Variants in LAMA3 observed in about 807,000 individuals in gnomAD.
The protein encoded by LAMA3 is laminin subunit alpha-3.
A neutral mutation model predicts 402.0 loss-of-function variants in LAMA3; 281 were observed. That is an observed-to-expected ratio of 0.70 (90% CI 0.63 to 0.77). The LOEUF is 0.77. LAMA3 is among the 30% of genes least tolerant of loss of function. The pLI, the probability that LAMA3 is intolerant of heterozygous loss-of-function variation, is 0.00. For missense variants in LAMA3, 3,840 were observed against 4,215.5 expected (o/e 0.91, Z 2.47); for synonymous variants, 1,431 against 1,558.4 (o/e 0.92, Z 1.93).
In LAMA3 at chr18:23,824,519, C is replaced by T. The variant is rs2063344166; in HGVS notation, c.2525C>T (p.Thr842Ile). ...GGTTTTGCAGACCCATTTTCAATCA[C>T]ACCAGGAATATGGGTTGCTTGTATT... The part of the protein sequence containing the change: ...GNGFADPFSI[T>I]PGIWVACIKA... Residue 842 changes from threonine to isoleucine, a missense_variant, in exon 21 of 75, where the codon ACA becomes ATA. By Grantham distance (89) the Thr-to-Ile change is moderately conservative. Coordinates refer to ENST00000313654, the MANE Select transcript of LAMA3 (RefSeq NM_198129.4). 6.2e-7 allele frequency: 1 copy of T among 1,614,118 alleles called. No homozygotes were observed. Among genetic ancestry groups the T allele is most frequent in the Non-Finnish European group, 8.5e-7 (1 of 1,179,976 alleles).
chr18:23,752,894 A>G (rs995560883), intron 5 of LAMA3, among the ~76,000 whole-genome samples: 1 of 152,196 alleles, frequency 6.6e-6, no homozygotes, highest in Non-Finnish European at 1.5e-5. Flanking sequence ...TATTCTTCTC[A>G]CTGGCAGCAT....
At chr18:23,818,271 G>A (rs1488453788) in intron 18 of LAMA3, among the ~76,000 whole-genome samples, 1 of 152,194 alleles carries the variant, frequency 6.6e-6, no homozygotes, top group Non-Finnish European at 1.5e-5. Context: ...AACTATGTAG[G>A]TGATTGACTG....
At chr18:23,919,457 G>A (rs911823567) in intron 60 of LAMA3, among the ~76,000 whole-genome samples, 5 of 152,216 alleles carry the variant, frequency 3.3e-5, no homozygotes, top group Non-Finnish European at 7.3e-5. Context: ...TAATCTAGAG[G>A]GGAAGAATAT....
At chr18:23,737,859 G>C (rs1047100127) in intron 2 of LAMA3, among the ~76,000 whole-genome samples, 1 of 152,252 alleles carries the variant, frequency 6.6e-6, no homozygotes, top group Non-Finnish European at 1.5e-5. Context: ...GAAGTGCAGT[G>C]CTGCACAAAG....
In LAMA3 at chr18:23,946,284, G is replaced by C; in HGVS notation, c.9351G>C (p.Lys3117Asn). 1 of 1,613,928 alleles carries C rather than the reference G, an allele frequency of 6.2e-7. No homozygotes were observed. The highest frequency in any genetic ancestry group is 8.5e-7 in the Non-Finnish European group (1 of 1,179,916). The change falls in exon 70 of 75, where the codon AAG becomes AAC. Residue 3117 changes from lysine (K) to asparagine (N), a missense_variant and splice_region_variant. Physicochemically the swap from Lys to Asn is moderately conservative, Grantham distance 94. Coordinates refer to ENST00000313654, the MANE Select transcript of LAMA3 (RefSeq NM_198129.4). ...GATCACCTCCATCAGGGAAACCAAA[G>C]GTAAATAGTTATGTTCAGAGCCATG... Reference protein sequence around the residue: ...YLGSPPSGKPKSLPTNSFVGC... With the variant: ...YLGSPPSGKPNSLPTNSFVGC...
At chr18:23,945,466 G>A (rs1599168883) in intron 69 of LAMA3, among the ~76,000 whole-genome samples, 2 of 152,216 alleles carry the variant, frequency 1.3e-5, no homozygotes, top group East Asian at 3.9e-4. Context: ...GTGGCCAGGA[G>A]GAGAGCAGTT....
chr18:23,861,537 G>A, intron 34 of LAMA3, 109 bp from the exon 35 acceptor site: 1 of 1,261,554 alleles, frequency 7.9e-7, no homozygotes, highest in Non-Finnish European at 1.1e-6. Context: ...GGAGGCCTCT[G>A]AGGCAAGGAG....
chr18:23,931,093 G>A lies in LAMA3; in HGVS notation c.8468G>A (p.Gly2823Asp), dbSNP rs1243098167. The change falls in exon 65 of 75, where the codon GGT (glycine) becomes GAT (aspartate). Residue 2823 changes from glycine to aspartate, a missense_variant. Transcript: ENST00000313654. ...TRNLQVTLEDGYIELSTSDSG... is the reference protein window; with the variant it reads ...TRNLQVTLEDDYIELSTSDSG... ...AACCTGCAGGTCACTCTGGAAGATG[G>A]TTACATTGAATTGAGCACCAGCGAT... 6.2e-7 allele frequency: 1 copy of A among 1,613,692 alleles called. No individual in the cohort carries two copies. Among genetic ancestry groups the A allele is most frequent in the Non-Finnish European group, 8.5e-7 (1 of 1,179,726 alleles).
intron 24 of LAMA3, among the ~76,000 whole-genome samples, chr18:23,835,483 G>A (rs1278569382): frequency 6.6e-6 from 1 of 152,160 alleles, no homozygotes; most frequent in Non-Finnish European, 1.5e-5. Flanking sequence ...AGAGTGAACT[G>A]CATGTCAGTC....
chr18:23,907,969 C>G (rs2081305838), intron 54 of LAMA3, 34 bp downstream of exon 54: 1 of 1,595,222 alleles, frequency 6.3e-7, no homozygotes, highest in East Asian at 2.2e-5. Context: ...ACATCTTAGC[C>G]ATTCTCTCCA....
chr18:23,942,297 G>T (rs943727188), intron 68 of LAMA3, among the ~76,000 whole-genome samples: 2 of 152,170 alleles, frequency 1.3e-5, no homozygotes, highest in Admixed American at 6.5e-5. Context: ...AATGGCTGAG[G>T]ACAGCCTGTT....
chr18:23,926,164 TTAAAATAAAA>T (rs199533036), intron 62 of LAMA3, among the ~76,000 whole-genome samples: 1 of 152,184 alleles, frequency 6.6e-6, no homozygotes, highest in Non-Finnish European at 1.5e-5. Flanking sequence ...ATCCTAGAAC[TTAAAATAAAA>T]TAAAATAATA....
rs142656138 is a variant in LAMA3 at position 23,901,244 on chromosome 18, G to A, written c.6122G>A (p.Arg2041Gln). The A allele has an allele frequency of 9.2e-5, 149 of 1,614,112 alleles. No homozygotes were observed. The highest frequency in any genetic ancestry group is 2.9e-4 in the African/African-American group (22 of 75,024). The change falls in exon 48 of 75, where the codon CGG (arginine) becomes CAG (glutamine). Residue 2041 changes from arginine to glutamine, a missense_variant. Arg to Gln is a conservative substitution (Grantham distance 43). This residue lies in a region of LAMA3 where 891 missense variants were observed against 857.5 expected (regional missense o/e 1.04). Transcript: ENST00000313654. ...GCCAAACTCAGTGACCTTCGTGCTC[G>A]GCTGCAGGAGGCAGCTGCCCAAGCC... ...YEAKLSDLRA[R>Q]LQEAAAQAKQ... is the part of the protein sequence containing the mutation.
intron 1 of LAMA3, among the ~76,000 whole-genome samples, chr18:23,696,037 A>G (rs1598594384): frequency 6.6e-6 from 1 of 152,160 alleles, no homozygotes; most frequent in South Asian, 2.1e-4. Flanking sequence ...AGGGGAGGGC[A>G]GGGATGGAAT....
At chr18:23,920,801 C>A in intron 60 of LAMA3, 134 bp from the exon 61 acceptor site, 2 of 1,026,492 alleles carry the variant, frequency 1.9e-6, no homozygotes, top group Non-Finnish European at 3.0e-6. Context: ...GCTGTTGCAG[C>A]ACCATTATCC....
intron 36 of LAMA3, among the ~76,000 whole-genome samples, chr18:23,866,764 G>A (rs1427711553): frequency 2.6e-5 from 4 of 152,192 alleles, no homozygotes; most frequent in Admixed American, 2.6e-4. Context: ...TTTCCCTGCT[G>A]CTTTGTTCTA....
At position 23,689,895 on chromosome 18, in the gene LAMA3, C is replaced by G; in HGVS notation, c.212C>G (p.Pro71Arg). Reference protein sequence around the residue: ...WATATCGERGPGEGRPQPELY... With the variant: ...WATATCGERGRGEGRPQPELY... The stretch of plus-strand genomic sequence containing the variant: ...ACCGCCACCTGCGGGGAGAGGGGAC[C>G]CGGCGAGGGGAGGCCCCAGCCCGAG... Residue 71 changes from proline (P) to arginine (R), a missense_variant, in exon 1 of 75, where the codon CCC becomes CGC. Physicochemically the swap from Pro to Arg is moderately radical, Grantham distance 103. Coordinates refer to ENST00000313654, the MANE Select transcript of LAMA3 (RefSeq NM_198129.4). 1 of 1,538,012 alleles carries G rather than the reference C, an allele frequency of 6.5e-7. No homozygotes were observed. The highest frequency in any genetic ancestry group is 8.8e-7 in the Non-Finnish European group (1 of 1,142,184).
chr18:23,914,440 G>A lies in LAMA3; in HGVS notation c.7360G>A (p.Val2454Met), dbSNP rs1451307584. ...ASRDYIGMAV[V>M]DGQLTCVYNL... ...CCGGGACTACATCGGCATGGCAGTTGTGGATGGCCAGCTCACCTGTGTCTA... is the reference window on the plus strand; with the variant it reads ...CCGGGACTACATCGGCATGGCAGTTATGGATGGCCAGCTCACCTGTGTCTA... Residue 2454 changes from valine (V) to methionine (M), a missense_variant, in exon 57 of 75, where the codon GTG (valine) becomes ATG (methionine). By Grantham distance (21) the Val-to-Met change is conservative. Around this residue, in one of 3 missense-constraint regions of LAMA3, gnomAD observed 891 missense variants for 857.5 expected, o/e 1.04. Coordinates refer to ENST00000313654, the MANE Select transcript of LAMA3 (RefSeq NM_198129.4). The A allele has an allele frequency of 6.2e-7, 1 of 1,614,184 alleles. No homozygotes were observed. The highest frequency in any genetic ancestry group is 8.5e-7 in the Non-Finnish European group (1 of 1,180,022).
At chr18:23,760,056 C>A (rs2061937520) in intron 7 of LAMA3, among the ~76,000 whole-genome samples, 1 of 152,148 alleles carries the variant, frequency 6.6e-6, no homozygotes, top group South Asian at 2.1e-4. Context: ...ATTGAATTAA[C>A]CATTATTACA....
Sources: gnomAD v4.1 joint callset for allele counts (sites outside exome capture counted in the v4.1 genomes callset) on GRCh38, gnomAD v4.1.1 for gene constraint, gnomAD v4.1.1 regional missense constraint, MANE v1.5 for transcripts, NCBI Gene and HGNC (gene_info 2026-07-23, HGNC 2026-07-21) for gene names.